SYNE2: variants seen among roughly 807,000 people sequenced by gnomAD.
SYNE2 encodes the protein nesprin-2.
Under a neutral mutation model 856.3 loss-of-function variants are expected in SYNE2, and 431 were observed. The observed-to-expected ratio is 0.50, with a 90% confidence interval of 0.47 to 0.55. SYNE2 has a LOEUF of 0.55. Ranked by LOEUF, SYNE2 falls within the 20% of genes least tolerant of loss-of-function variation. The pLI is 0.00. For synonymous variants in SYNE2, 2,923 were observed against 2,872.3 expected, an observed-to-expected ratio of 1.02 and a Z score of -0.56; for missense variants, 8,129 against 8,023.2, an observed-to-expected ratio of 1.01 and a Z score of -0.50.
chr14:63,880,670 A>C (rs2094838406), intron 1 of SYNE2, among the ~76,000 whole-genome samples: 1 of 144,794 alleles, frequency 6.9e-6, no homozygotes, highest in South Asian at 2.2e-4. Context: ...TATTGTCTTT[A>C]ATTTTTTTTT....
intron 1 of SYNE2, among the ~76,000 whole-genome samples, chr14:63,814,776 A>C (rs1888813355): frequency 4.3e-5 from 1 of 23,172 alleles, no homozygotes; most frequent in African/African-American, 1.0e-4. Context: ...CCATATATAT[A>C]TCCATATATA....
chr14:64,040,998 A>G (rs2097144248), intron 45 of SYNE2, among the ~76,000 whole-genome samples: 1 of 152,146 alleles, frequency 6.6e-6, no homozygotes, highest in African/African-American at 2.4e-5. Flanking sequence ...CTAATAAAAC[A>G]AGTATGTCAA....
At chr14:64,136,217 G>A (rs2098086880) in intron 78 of SYNE2, among the ~76,000 whole-genome samples, 1 of 150,728 alleles carries the variant, frequency 6.6e-6, no homozygotes, top group Non-Finnish European at 1.5e-5. Context: ...TGGAACCCGG[G>A]AGTCGGAGGC....
Position 64,141,334 on chromosome 14 carries a change from C to A in SYNE2, c.14977-7C>A. 1.2e-6 allele frequency: 2 copies of A among 1,611,696 alleles called. No individual in the cohort carries two copies. The highest frequency in any genetic ancestry group is 8.5e-7 in the Non-Finnish European group (1 of 1,178,654). ...TTAAGTTTCTAAATTTTAAAACTCT[C>A]CTTTAGGAGTTTTCAAAAGAAGTTG... On this transcript the variant is annotated splice_region_variant and splice_polypyrimidine_tract_variant and intron_variant, in intron 80 of 115. Coordinates refer to ENST00000555002, the MANE Select transcript of SYNE2 (RefSeq NM_182914.3).
intron 110 of SYNE2, 85 bp from the exon 111 acceptor site, chr14:64,220,352 A>G (rs1596309522): frequency 6.8e-7 from 1 of 1,467,994 alleles, no homozygotes; most frequent in Non-Finnish European, 9.5e-7. Flanking sequence ...AAGTGTGTGG[A>G]AAATTTGTTC....
intron 61 of SYNE2, among the ~76,000 whole-genome samples, chr14:64,096,000 G>A (rs1235449425): frequency 1.3e-5 from 2 of 152,208 alleles, no homozygotes; most frequent in South Asian, 4.2e-4. Flanking sequence ...GTGAGAACAC[G>A]ACAAATCTCC....
intron 43 of SYNE2, among the ~76,000 whole-genome samples, chr14:64,028,837 T>A (rs2097004663): frequency 6.6e-6 from 1 of 152,198 alleles, no homozygotes; most frequent in Admixed American, 6.5e-5. Context: ...TGATCTTCAG[T>A]AAAATAATTA....
At position 64,165,407 on chromosome 14, in the gene SYNE2, C is replaced by A. The variant is rs748802577; in HGVS notation, c.16602C>A (p.Phe5534Leu). The change falls in exon 90 of 116, where the codon TTC becomes TTA. Residue 5534 changes from phenylalanine to leucine, a missense_variant. Physicochemically the swap from Phe to Leu is conservative, Grantham distance 22 (BLOSUM62 0). Around this residue, in one of 3 missense-constraint regions of SYNE2, gnomAD observed 5,410 missense variants for 5,284.8 expected, o/e 1.02. Coordinates refer to ENST00000555002, the MANE Select transcript of SYNE2 (RefSeq NM_182914.3). ...AGGAAAAAGAAAATCCTGACTCATT[C>A]CTGGTATTGCCAATATTTGTCTTTT... is the stretch of plus-strand genomic sequence containing the variant. ...HQQEKENPDS[F>L]LNHVLALTAQ... The A allele has an allele frequency of 6.2e-7, 1 of 1,613,460 alleles. No individual in the cohort carries two copies. The highest frequency in any genetic ancestry group is 1.1e-5 in the South Asian group (1 of 91,050).
intron 43 of SYNE2, among the ~76,000 whole-genome samples, chr14:64,029,300 A>C (rs2097011717): frequency 6.6e-6 from 1 of 152,208 alleles, no homozygotes; most frequent in Admixed American, 6.5e-5. Flanking sequence ...GGCAGGGGTT[A>C]AGATAGACCT....
intron 48 of SYNE2, among the ~76,000 whole-genome samples, chr14:64,055,711 A>G (rs1029374199): frequency 1.3e-5 from 2 of 152,150 alleles, no homozygotes; most frequent in Non-Finnish European, 2.9e-5. Context: ...TAAAAATAAT[A>G]GTGTAATATT....
chr14:64,184,870 G>C (rs1453559566), intron 96 of SYNE2, among the ~76,000 whole-genome samples: 1 of 152,254 alleles, frequency 6.6e-6, no homozygotes, highest in Non-Finnish European at 1.5e-5. Flanking sequence ...TTGTTGGTAA[G>C]TTATGAAATC....
intron 1 of SYNE2, among the ~76,000 whole-genome samples, chr14:63,835,782 A>G (rs1032478799): frequency 1.6e-4 from 25 of 152,128 alleles, no homozygotes; most frequent in African/African-American, 6.0e-4. Flanking sequence ...TCACAAGTTC[A>G]AGATCAGCCT....
intron 1 of SYNE2, among the ~76,000 whole-genome samples, chr14:63,874,672 A>G (rs1290698112): frequency 6.6e-6 from 1 of 152,208 alleles, no homozygotes; most frequent in Non-Finnish European, 1.5e-5. Flanking sequence ...TTTTTAAGAA[A>G]CAAAAACTAA....
At chr14:64,116,608 G>A (rs113415897) in intron 66 of SYNE2, among the ~76,000 whole-genome samples, 5,849 of 152,164 alleles carry the variant, frequency 0.038, 146 homozygotes, top group African/African-American at 0.041. Context: ...AGTAGAAACG[G>A]TTTCCCCATG....
intron 30 of SYNE2, among the ~76,000 whole-genome samples, chr14:64,004,603 TACAGGCGTGAGCC>T (rs2096781914): frequency 6.6e-6 from 1 of 152,198 alleles, no homozygotes; most frequent in African/African-American, 2.4e-5. Context: ...GTGTTGGGAT[TACAGGCGTGAGCC>T]ACCGCGCCTG....
chr14:63,905,620 A>C (rs1432300326), intron 1 of SYNE2, among the ~76,000 whole-genome samples: 2 of 152,194 alleles, frequency 1.3e-5, no homozygotes, highest in African/African-American at 2.4e-5. Flanking sequence ...GTGTATAGAA[A>C]TGTTACTAAT....
chr14:63,977,618 G>A (rs529440005), intron 12 of SYNE2, among the ~76,000 whole-genome samples: 1 of 152,162 alleles, frequency 6.6e-6, no homozygotes, highest in African/African-American at 2.4e-5. Flanking sequence ...AAATTAGCTG[G>A]GTATTGTGCT....
At position 64,204,969 on chromosome 14, in the gene SYNE2, T is replaced by G. The variant is rs146029613; in HGVS notation, c.18201+2006T>G. ...GGCCACCCACATTGCTTGGCTCACA[T>G]GCGCCTTCTTCTGCCTTCAACGCCG... On this transcript the variant is annotated intron_variant, in intron 100 of 115. Transcript: ENST00000555002. Among the ~76,000 whole-genome samples, 348 of 152,282 alleles carry G rather than the reference T, an allele frequency of 2.3e-3. 2 individuals are homozygous for G. Among genetic ancestry groups the G allele is most frequent in the African/African-American group, 7.9e-3 (330 of 41,548 alleles).
At chr14:63,784,089 G>A (rs1243111829) in intron 1 of SYNE2, among the ~76,000 whole-genome samples, 1 of 152,194 alleles carries the variant, frequency 6.6e-6, no homozygotes, top group African/African-American at 2.4e-5. Flanking sequence ...ACAAATAAAT[G>A]TGTGTCATAG....
Sources: allele counts gnomAD v4.1 joint callset (sites outside exome capture counted in the v4.1 genomes callset), GRCh38; gene constraint gnomAD v4.1.1; regional missense constraint gnomAD v4.1.1; transcripts MANE v1.5; gene names NCBI Gene and HGNC (gene_info 2026-07-23, HGNC 2026-07-21).